The following PLGRKT variants were observed in gnomAD, a reference collection of about 807,000 sequenced individuals.
The protein encoded by PLGRKT is plasminogen receptor with a C-terminal lysine, also known as plasminogen receptor (KT).
A neutral mutation model predicts 18.5 loss-of-function variants in PLGRKT; 22 were observed. That is an observed-to-expected ratio of 1.19 (90% CI 0.85 to 1.70). PLGRKT has a LOEUF of 1.70. Ranked by LOEUF, PLGRKT falls within the 40% of genes most tolerant of loss-of-function variation. The probability of loss-of-function intolerance (pLI) is 0.00; values close to 1 mark genes in which losing one functional copy is unlikely to be tolerated. For missense variants in PLGRKT, 235 were observed against 174.4 expected, an observed-to-expected ratio of 1.35 and a Z score of -1.96; for synonymous variants, 72 against 52.8, an observed-to-expected ratio of 1.36 and a Z score of -1.58.
chr9:5,436,069 C>T (rs951262921), intron 2 of PLGRKT, among the ~76,000 whole-genome samples: 4 of 152,348 alleles, frequency 2.6e-5, no homozygotes, highest in African/African-American at 9.6e-5. Context: ...TTTCCCTCCC[C>T]TTCTGCCACT....
intron 3 of PLGRKT, among the ~76,000 whole-genome samples, chr9:5,375,206 T>A (rs933803123): frequency 6.6e-6 from 1 of 152,240 alleles, no homozygotes; most frequent in Admixed American, 6.5e-5. Flanking sequence ...AGTTGTTTAG[T>A]CACACTGACT....
intron 3 of PLGRKT, among the ~76,000 whole-genome samples, chr9:5,406,170 A>G (rs772641793): frequency 7.2e-5 from 11 of 152,242 alleles, no homozygotes; most frequent in Non-Finnish European, 1.6e-4. Context: ...GGGAATTTAA[A>G]TTAGTTCAAC....
intron 3 of PLGRKT, among the ~76,000 whole-genome samples, chr9:5,403,183 C>T (rs1818188015): frequency 6.6e-6 from 1 of 151,124 alleles, no homozygotes; most frequent in Admixed American, 6.6e-5. Flanking sequence ...CTTTGTTATA[C>T]AGCGAGTTGA....
At chr9:5,375,640 C>A (rs1817613340) in intron 3 of PLGRKT, among the ~76,000 whole-genome samples, 1 of 152,114 alleles carries the variant, frequency 6.6e-6, no homozygotes. Flanking sequence ...ACTTTCTACC[C>A]AAGAGGATGA....
chr9:5,363,821 G>T (rs1320220190), intron 3 of PLGRKT, among the ~76,000 whole-genome samples: 1 of 152,174 alleles, frequency 6.6e-6, no homozygotes, highest in South Asian at 2.1e-4. Context: ...TTTTAAACTA[G>T]AAGTAATTGA....
rs1444223063 is a variant in PLGRKT, at chr9:5,393,122, A to G, written c.82-31234T>C. Among the ~76,000 whole-genome samples the G allele has an allele frequency of 2.0e-5, 3 of 151,908 alleles. 1 individual carries two copies. Among genetic ancestry groups the G allele is most frequent in the African/African-American group, 7.3e-5 (3 of 41,242 alleles). ...CTCCCAAAGTACTGGGATTACAGGT[A>G]TGAGCCACCGCACCCAGCCAAAATT... On this transcript the variant is annotated intron_variant, in intron 3 of 5. Coordinates refer to ENST00000223864, the MANE Select transcript of PLGRKT (RefSeq NM_018465.4).
Position 5,418,586 on chromosome 9 carries a change from C to G in PLGRKT, c.81+13311G>C, listed in dbSNP as rs1818510137. The stretch of plus-strand genomic sequence containing the variant: ...TGCTGTCCAGCAGGGATGGTCACCA[C>G]AGTGACGGACTTCTGCCGGTTCCTG... On this transcript the variant is annotated intron_variant, in intron 3 of 5. Coordinates refer to ENST00000223864, the MANE Select transcript of PLGRKT (RefSeq NM_018465.4). The surrounding 1 kb of genome is among the most constrained non-coding windows in gnomAD (Gnocchi z 4.2). 1 of 755,254 alleles carries G rather than the reference C, an allele frequency of 1.3e-6. No homozygotes were observed. The highest frequency in any genetic ancestry group is 1.4e-5 in the South Asian group (1 of 73,572). The allele number at this position is 755,254 out of a possible 1,614,324, so 46.8% of individuals were successfully genotyped here.
intron 2 of PLGRKT, among the ~76,000 whole-genome samples, chr9:5,432,484 G>A (rs896881982): frequency 6.6e-6 from 1 of 152,032 alleles, no homozygotes; most frequent in Non-Finnish European, 1.5e-5. Flanking sequence ...AGAAGATTGA[G>A]CTCTCCCTCT....
rs146807804 is a variant in PLGRKT at position 5,381,831 on chromosome 9, CA to C, written c.82-19944del. The C allele has an allele frequency of 3.4e-4, 328 of 964,248 alleles. 3 individuals carry two copies. In the African/African-American group the frequency reaches 5.1e-3, roughly 15 times the overall value. 59.7% of individuals were successfully genotyped at this position (964,248 alleles called of 1,614,324 possible). A position where few individuals can be genotyped will look rare whatever the true frequency, so the allele number is the denominator to read the frequency against. ...TTGTAGTTTTAAAAAATACATAAAGCAAAAACAACAGACTAAATTTAACTAA... is the reference window on the plus strand; with the variant it reads ...TTGTAGTTTTAAAAAATACATAAAGCAAAACAACAGACTAAATTTAACTAA... On this transcript the variant is annotated intron_variant, in intron 3 of 5. Coordinates refer to ENST00000223864, the MANE Select transcript of PLGRKT (RefSeq NM_018465.4).
At chr9:5,358,384 C>G in intron 5 of PLGRKT, 24 bp from the exon 6 acceptor site, 1 of 1,610,602 alleles carries the variant, frequency 6.2e-7, no homozygotes, top group Non-Finnish European at 8.5e-7. Context: ...CAGAAATACA[C>G]AAGGTGACAA....
At chr9:5,402,418 G>T (rs1349721337) in intron 3 of PLGRKT, among the ~76,000 whole-genome samples, 1 of 151,868 alleles carries the variant, frequency 6.6e-6, no homozygotes, top group African/African-American at 2.4e-5. Context: ...AGCAACAGAT[G>T]GAGCTATTGA....
chr9:5,397,627 A>G (rs1351626900), intron 3 of PLGRKT, among the ~76,000 whole-genome samples: 2 of 151,258 alleles, frequency 1.3e-5, no homozygotes, highest in Non-Finnish European at 2.9e-5. Flanking sequence ...GGGAGGGAAG[A>G]GGGGAGAGAG....
chr9:5,361,660 G>C, intron 4 of PLGRKT, 98 bp downstream of exon 4: 1 of 1,177,504 alleles, frequency 8.5e-7, no homozygotes, highest in Non-Finnish European at 1.2e-6. Flanking sequence ...TACACTATTT[G>C]GACCAAAGTC....
At chr9:5,424,443 T>TA (rs1818642505) in intron 3 of PLGRKT, among the ~76,000 whole-genome samples, 1 of 108,064 alleles carries the variant, frequency 9.3e-6, no homozygotes, top group Non-Finnish European at 1.8e-5. Context: ...TTATAAAATA[T>TA]ATTATATATT....
upstream of PLGRKT, among the ~76,000 whole-genome samples, chr9:5,438,266 G>T (rs1586754336): frequency 6.6e-6 from 1 of 152,112 alleles, no homozygotes; most frequent in African/African-American, 2.4e-5. Context: ...GAGAGATGTC[G>T]GTCTCGCCTC....
At chr9:5,433,751 T>C (rs1183174305) in intron 2 of PLGRKT, among the ~76,000 whole-genome samples, 7 of 119,224 alleles carry the variant, frequency 5.9e-5, no homozygotes, top group African/African-American at 1.4e-4. Context: ...AGGAGCGCCT[T>C]TGCCCGGCTG....
At chr9:5,394,906 G>A (rs1363410490) in intron 3 of PLGRKT, among the ~76,000 whole-genome samples, 2 of 151,758 alleles carry the variant, frequency 1.3e-5, no homozygotes, top group Non-Finnish European at 2.9e-5. Flanking sequence ...TGACTGCAAC[G>A]GAGCCTCAGG....
intron 3 of PLGRKT, among the ~76,000 whole-genome samples, chr9:5,381,580 T>G (rs927717566): frequency 6.6e-6 from 1 of 152,244 alleles, no homozygotes; most frequent in Non-Finnish European, 1.5e-5. Flanking sequence ...TGCAGATGTG[T>G]GGCCATGAGA....
At chr9:5,360,450 TC>T (rs763118862) in intron 5 of PLGRKT, among the ~76,000 whole-genome samples, 18 of 152,150 alleles carry the variant, frequency 1.2e-4, no homozygotes, top group Non-Finnish European at 5.9e-5. Context: ...CATGGATGTG[TC>T]CCAATAAAAC....
Sources: allele counts gnomAD v4.1 joint callset (sites outside exome capture counted in the v4.1 genomes callset), GRCh38; gene constraint gnomAD v4.1.1; non-coding constraint Gnocchi (gnomAD v3.1); transcripts MANE v1.5; gene names NCBI Gene and HGNC (gene_info 2026-07-23, HGNC 2026-07-21).